Variants in SETD2 observed in about 807,000 individuals in gnomAD.
SETD2 encodes the protein histone-lysine N-methyltransferase SETD2.
SETD2 carries 31 observed loss-of-function variants against 242.1 expected under a neutral mutation model. The observed-to-expected ratio is 0.13, with a 90% CI of 0.10 to 0.17. The LOEUF (loss-of-function observed/expected upper bound fraction) is 0.17, where lower values mean the gene tolerates loss of function less well. Among genes scored for constraint, SETD2 ranks in the 10% least tolerant of loss-of-function variants. The pLI, the probability that SETD2 is intolerant of heterozygous loss-of-function variation, is 1.00. For missense variants in SETD2, 2,481 were observed against 3,046.3 expected (o/e 0.81, Z 4.37); for synonymous variants, 1,006 against 1,066.5 (o/e 0.94, Z 1.11).
intron 5 of SETD2, among the ~76,000 whole-genome samples, chr3:47,110,067 G>C (rs1203455541): frequency 6.7e-6 from 1 of 150,364 alleles, no homozygotes; most frequent in Non-Finnish European, 1.5e-5. Flanking sequence ...ACCCATACAA[G>C]AGAGTATTAT....
At chr3:47,032,544 C>CA (rs200671278) in intron 18 of SETD2, among the ~76,000 whole-genome samples, 153 of 150,002 alleles carry the variant, frequency 1.0e-3, no homozygotes, top group East Asian at 3.5e-3. Flanking sequence ...AAAACAAAAA[C>CA]AAAAAAAAAC....
At chr3:47,026,399 T>C (rs2038481453) in intron 18 of SETD2, among the ~76,000 whole-genome samples, 1 of 152,220 alleles carries the variant, frequency 6.6e-6, no homozygotes, top group Admixed American at 6.5e-5. Flanking sequence ...AGTGCGGCAA[T>C]TCCTCAAGGA....
chr3:47,105,061 G>C (rs1048417454), intron 6 of SETD2, among the ~76,000 whole-genome samples: 7 of 152,076 alleles, frequency 4.6e-5, no homozygotes, highest in African/African-American at 7.2e-5. Context: ...TCTCAGTTGT[G>C]ATTTTTAATA....
intron 18 of SETD2, among the ~76,000 whole-genome samples, chr3:47,032,188 T>C (rs1011841143): frequency 2.0e-5 from 3 of 151,980 alleles, no homozygotes; most frequent in African/African-American, 7.3e-5. Context: ...ACACCAAACT[T>C]TGAGAACCAC....
At chr3:47,068,430 T>C (rs577898911) in intron 12 of SETD2, among the ~76,000 whole-genome samples, 3 of 151,900 alleles carry the variant, frequency 2.0e-5, no homozygotes, top group Non-Finnish European at 4.4e-5. Context: ...TAAAGATGAT[T>C]ATAATTAATT....
At chr3:47,020,218 C>T (rs758656997) in intron 18 of SETD2, among the ~76,000 whole-genome samples, 21 of 152,092 alleles carry the variant, frequency 1.4e-4, no homozygotes, top group Non-Finnish European at 2.4e-4. Flanking sequence ...TCTAGGATTC[C>T]AGGACAGAGG....
intron 11 of SETD2, 31 bp from the exon 12 acceptor site, chr3:47,084,413 T>G: frequency 7.0e-7 from 1 of 1,438,806 alleles, no homozygotes; most frequent in African/African-American, 1.5e-5. Flanking sequence ...ATTACATCAC[T>G]TTGTACAGTT....
At chr3:47,025,408 G>GC (rs1055262813) in intron 18 of SETD2, among the ~76,000 whole-genome samples, 1 of 152,058 alleles carries the variant, frequency 6.6e-6, no homozygotes. Context: ...TTATTAATGA[G>GC]CCCATTTCAC....
intron 1 of SETD2, among the ~76,000 whole-genome samples, chr3:47,146,015 C>CAA (rs1171574770): frequency 0.015 from 572 of 38,634 alleles, 101 homozygotes; most frequent in African/African-American, 0.063. Flanking sequence ...GACCCTGTCT[C>CAA]AAAAAAAAAA....
rs2041420222 is a variant in SETD2 at position 47,083,825 on chromosome 3, C to A, written c.5955G>T (p.Glu1985Asp). 1.2e-6 allele frequency: 2 copies of A among 1,614,110 alleles called. No individual in the cohort carries two copies. Among genetic ancestry groups the A allele is most frequent in the Non-Finnish European group, 1.7e-6 (2 of 1,179,974 alleles). Residue 1985 changes from glutamate to aspartate, a missense_variant, in exon 12 of 21, where the codon GAG (glutamate) becomes GAT (aspartate). Glu to Asp is a conservative substitution (Grantham distance 45). Coordinates refer to ENST00000409792, the MANE Select transcript of SETD2 (RefSeq NM_014159.7). The part of the protein sequence containing the change: ...NEETPSQDEE[E>D]GVSDVESERS... ...TTTCACTCTCCACATCAGACACACCCTCCTCTTCATCTTGGGATGGTGTTT... is the reference window on the plus strand; with the variant it reads ...TTTCACTCTCCACATCAGACACACCATCCTCTTCATCTTGGGATGGTGTTT...
intron 7 of SETD2, among the ~76,000 whole-genome samples, chr3:47,101,780 A>C (rs1390981076): frequency 6.6e-6 from 1 of 152,156 alleles, no homozygotes; most frequent in Admixed American, 6.5e-5. Context: ...GGACTACCAG[A>C]TTGCATATAT....
At chr3:47,078,334 C>T (rs1467945789) in intron 12 of SETD2, among the ~76,000 whole-genome samples, 4 of 152,028 alleles carry the variant, frequency 2.6e-5, no homozygotes, top group Non-Finnish European at 5.9e-5. Context: ...AAAATGTATA[C>T]CTGAATCCAA....
chr3:47,112,252 T>G (rs762378625), intron 5 of SETD2, among the ~76,000 whole-genome samples: 21 of 151,976 alleles, frequency 1.4e-4, no homozygotes, highest in Middle Eastern at 6.8e-3. Flanking sequence ...GTAGCTGGGA[T>G]TACAGCTGTG....
chr3:47,095,306 T>A (rs2041964695), intron 9 of SETD2, among the ~76,000 whole-genome samples: 1 of 152,092 alleles, frequency 6.6e-6, no homozygotes, highest in Non-Finnish European at 1.5e-5. Flanking sequence ...CAGCAAATTT[T>A]TGTATTTTTA....
upstream of SETD2, among the ~76,000 whole-genome samples, chr3:47,164,153 C>T (rs192102668): frequency 1.3e-5 from 2 of 152,240 alleles, no homozygotes; most frequent in Admixed American, 1.3e-4. The surrounding 1 kb of genome is among the most constrained non-coding windows in gnomAD (Gnocchi z 5.4). Context: ...ACACCCCACC[C>T]GCCCCTCAGC....
intron 2 of SETD2, among the ~76,000 whole-genome samples, chr3:47,126,158 T>C (rs975880721): frequency 3.9e-5 from 6 of 152,170 alleles, no homozygotes; most frequent in Non-Finnish European, 8.8e-5. Flanking sequence ...GTCTCCTGAG[T>C]AGCTGGGACT....
At chr3:47,041,047 A>G (rs2039255304) in intron 17 of SETD2, among the ~76,000 whole-genome samples, 1 of 152,174 alleles carries the variant, frequency 6.6e-6, no homozygotes, top group African/African-American at 2.4e-5. Flanking sequence ...AGGATGCCCA[A>G]GGTTATAGTT....
At chr3:47,114,652 G>A (rs1294489414) in intron 4 of SETD2, among the ~76,000 whole-genome samples, 2 of 152,160 alleles carry the variant, frequency 1.3e-5, no homozygotes, top group African/African-American at 4.8e-5. Flanking sequence ...GCCAAGGCAG[G>A]TGGATCACTT....
chr3:47,142,344 C>CA (rs1328358340), intron 1 of SETD2, among the ~76,000 whole-genome samples: 1 of 151,884 alleles, frequency 6.6e-6, no homozygotes, highest in Non-Finnish European at 1.5e-5. Context: ...CTCGCCTCTA[C>CA]AAAAAATAAG....
Sources: allele counts gnomAD v4.1 joint callset (sites outside exome capture counted in the v4.1 genomes callset), GRCh38; gene constraint gnomAD v4.1.1; non-coding constraint Gnocchi (gnomAD v3.1); transcripts MANE v1.5; gene names NCBI Gene and HGNC (gene_info 2026-07-23, HGNC 2026-07-21).